The following THSD4 variants were observed in gnomAD, a reference collection of about 807,000 sequenced individuals.
THSD4 encodes the protein thrombospondin type-1 domain-containing protein 4.
THSD4 carries 69 observed loss-of-function variants against 119.0 expected under a neutral mutation model. The ratio of observed to expected loss-of-function variants is 0.58; its 90% CI spans 0.48 to 0.71. THSD4 has a LOEUF of 0.71. Among genes scored for constraint, THSD4 ranks in the 30% least tolerant of loss-of-function variants. The probability of loss-of-function intolerance (pLI) is 0.00; values close to 1 mark genes in which losing one functional copy is unlikely to be tolerated. For synonymous variants in THSD4, 524 were observed against 540.4 expected (o/e 0.97, Z 0.42); for missense variants, 1,393 against 1,391.1 (o/e 1.00, Z -0.02).
chr15:71,621,983 C>T (rs138761989), intron 7 of THSD4, among the ~76,000 whole-genome samples: 88 of 152,290 alleles, frequency 5.8e-4, no homozygotes, highest in Admixed American at 1.9e-3. Context: ...TGGCTGTTAG[C>T]ATGACTGAGA....
At chr15:71,427,923 C>T (rs1327536377) in intron 7 of THSD4, among the ~76,000 whole-genome samples, 4 of 152,188 alleles carry the variant, frequency 2.6e-5, no homozygotes, top group Non-Finnish European at 4.4e-5. Flanking sequence ...ATGTCCAGAG[C>T]ATCCAACCTG....
intron 7 of THSD4, among the ~76,000 whole-genome samples, chr15:71,424,428 G>A (rs2046844514): frequency 6.6e-6 from 1 of 152,098 alleles, no homozygotes; most frequent in African/African-American, 2.4e-5. Context: ...GAGTCTAAAT[G>A]TCGGCTTCGG....
chr15:71,581,758 A>G (rs759007062), intron 7 of THSD4, among the ~76,000 whole-genome samples: 5 of 152,160 alleles, frequency 3.3e-5, no homozygotes, highest in Non-Finnish European at 7.4e-5. Flanking sequence ...TCCCAGCACC[A>G]TCTGAGAGAC....
At chr15:71,461,940 A>G (rs539868971) in intron 7 of THSD4, among the ~76,000 whole-genome samples, 2 of 151,956 alleles carry the variant, frequency 1.3e-5, no homozygotes, top group Admixed American at 6.6e-5. Flanking sequence ...GCTTTGAAAT[A>G]TGTGGCCAAG....
At chr15:71,434,709 A>G (rs1177428816) in intron 7 of THSD4, among the ~76,000 whole-genome samples, 4 of 152,104 alleles carry the variant, frequency 2.6e-5, no homozygotes, top group Non-Finnish European at 4.4e-5. Flanking sequence ...GAGAACGGAG[A>G]AGCTTAAAAA....
intron 6 of THSD4, among the ~76,000 whole-genome samples, chr15:71,278,628 GC>G (rs2044617944): frequency 6.6e-6 from 1 of 152,160 alleles, no homozygotes; most frequent in Non-Finnish European, 1.5e-5. Flanking sequence ...CTGTTTCTCT[GC>G]GGAGGCAAGG....
At chr15:71,298,489 A>G (rs943248718) in intron 6 of THSD4, among the ~76,000 whole-genome samples, 8 of 152,028 alleles carry the variant, frequency 5.3e-5, no homozygotes, top group African/African-American at 1.9e-4. Flanking sequence ...TTAGCTATAC[A>G]TATCTGGTGT....
At chr15:71,442,837 T>A (rs548342940) in intron 7 of THSD4, among the ~76,000 whole-genome samples, 1 of 150,886 alleles carries the variant, frequency 6.6e-6, no homozygotes, top group South Asian at 2.1e-4. Context: ...TGTACCCACA[T>A]AGGTCACCTT....
intron 15 of THSD4, among the ~76,000 whole-genome samples, chr15:71,760,115 T>C (rs1410925357): frequency 4.6e-5 from 7 of 152,240 alleles, no homozygotes; most frequent in Admixed American, 6.5e-5. Context: ...TGAATGAAAG[T>C]TGGTATTTCG....
In THSD4 at chr15:71,425,348, G is replaced by C. The variant is rs543141488; in HGVS notation, c.1152+13525G>C. Among the ~76,000 whole-genome samples, 3 of 152,292 alleles carry C rather than the reference G, an allele frequency of 2.0e-5. No homozygotes were observed. In the East Asian group the frequency reaches 5.8e-4, roughly 29 times the overall value. On this transcript the variant is annotated intron_variant, in intron 7 of 17. Transcript: ENST00000261862. Reference sequence around the variant, plus strand: ...GCTGAATTGTTAATCAGAATAGAAAGAGTTGTTTATATGTGTTGGGAAAAA... The same window carrying C: ...GCTGAATTGTTAATCAGAATAGAAACAGTTGTTTATATGTGTTGGGAAAAA...
At chr15:71,296,819 C>T (rs1228869301) in intron 6 of THSD4, among the ~76,000 whole-genome samples, 5 of 152,116 alleles carry the variant, frequency 3.3e-5, no homozygotes, top group East Asian at 1.9e-4. Flanking sequence ...AGCCTCATCC[C>T]GACCCTGCCA....
intron 6 of THSD4, among the ~76,000 whole-genome samples, chr15:71,369,318 G>T (rs1183279090): frequency 6.6e-6 from 1 of 152,150 alleles, no homozygotes; most frequent in Non-Finnish European, 1.5e-5. Context: ...CCAACACTAT[G>T]TTGAATAGGA....
At chr15:71,599,337 A>G (rs1595772351) in intron 7 of THSD4, among the ~76,000 whole-genome samples, 2 of 152,220 alleles carry the variant, frequency 1.3e-5, no homozygotes. Flanking sequence ...GGAGAGTCCA[A>G]GTCCTCTGAG....
chr15:71,234,226 C>T (rs1239920389), intron 4 of THSD4, among the ~76,000 whole-genome samples: 1 of 152,212 alleles, frequency 6.6e-6, no homozygotes, highest in Non-Finnish European at 1.5e-5. Context: ...GTTCTCAGGC[C>T]CCTAAACACA....
chr15:71,265,441 C>A (rs528113393), intron 6 of THSD4, among the ~76,000 whole-genome samples: 2 of 152,118 alleles, frequency 1.3e-5, no homozygotes, highest in Admixed American at 6.5e-5. Context: ...ACGCTTTTGC[C>A]GTGGTCTTTG....
At chr15:71,527,103 C>T (rs144038014) in intron 7 of THSD4, among the ~76,000 whole-genome samples, 74 of 152,224 alleles carry the variant, frequency 4.9e-4, no homozygotes, top group African/African-American at 1.6e-3. Context: ...AGCCTTCACC[C>T]GGGGTTCAGC....
chr15:71,475,146 A>G (rs898098194), intron 7 of THSD4, among the ~76,000 whole-genome samples: 1 of 152,160 alleles, frequency 6.6e-6, no homozygotes, highest in African/African-American at 2.4e-5. Flanking sequence ...TAACTTTACT[A>G]ATAATCCCTT....
intron 6 of THSD4, among the ~76,000 whole-genome samples, chr15:71,378,538 C>A (rs900952949): frequency 2.6e-5 from 4 of 152,190 alleles, no homozygotes; most frequent in African/African-American, 9.7e-5. Flanking sequence ...TTCAGAATTT[C>A]AATGAGAACA....
At chr15:71,130,874 A>G (rs1282156897) in intron 1 of THSD4, among the ~76,000 whole-genome samples, 1 of 152,100 alleles carries the variant, frequency 6.6e-6, no homozygotes, top group African/African-American at 2.4e-5. Context: ...TCTCCCGAGT[A>G]GCTGGGACTA....
Sources: allele counts gnomAD v4.1 joint callset (sites outside exome capture counted in the v4.1 genomes callset), GRCh38; gene constraint gnomAD v4.1.1; transcripts MANE v1.5; gene names NCBI Gene and HGNC (gene_info 2026-07-23, HGNC 2026-07-21).